The following SYT9 variants were observed in gnomAD, a reference collection of about 807,000 sequenced individuals.
SYT9 encodes synaptotagmin-9.
SYT9 carries 22 observed loss-of-function variants against 48.4 expected under a neutral mutation model. The ratio of observed to expected loss-of-function variants is 0.45; its 90% CI spans 0.32 to 0.65. The LOEUF (loss-of-function observed/expected upper bound fraction) is 0.65. SYT9 is among the 30% of genes least tolerant of loss of function. SYT9 has a pLI of 0.03. For missense variants in SYT9, 577 were observed against 622.0 expected (o/e 0.93, Z 0.77); for synonymous variants, 265 against 245.0 (o/e 1.08, Z -0.76).
intron 3 of SYT9, among the ~76,000 whole-genome samples, chr11:7,342,647 C>T (rs556838211): frequency 6.6e-6 from 1 of 152,188 alleles, no homozygotes; most frequent in Non-Finnish European, 1.5e-5. Context: ...TTTCCAGGTG[C>T]ACAGTGCAAG....
chr11:7,442,088 A>C (rs1847838965), intron 6 of SYT9, among the ~76,000 whole-genome samples: 2 of 152,114 alleles, frequency 1.3e-5, no homozygotes, highest in South Asian at 4.2e-4. Flanking sequence ...TGAATCTCAA[A>C]GCTTGCCAGA....
chr11:7,284,519 C>G (rs1180673536), intron 1 of SYT9, among the ~76,000 whole-genome samples: 1 of 152,000 alleles, frequency 6.6e-6, no homozygotes. Context: ...ATCATGTTCT[C>G]TTAGTATATT....
intron 1 of SYT9, among the ~76,000 whole-genome samples, chr11:7,299,614 A>G (rs1848880854): frequency 6.6e-6 from 1 of 152,240 alleles, no homozygotes; most frequent in South Asian, 2.1e-4. Context: ...CCGCACAACC[A>G]TAATTCAAGG....
intron 3 of SYT9, among the ~76,000 whole-genome samples, chr11:7,375,745 G>A (rs1278401110): frequency 2.0e-5 from 3 of 152,138 alleles, no homozygotes; most frequent in Non-Finnish European, 4.4e-5. Flanking sequence ...GAATGCTTGT[G>A]ATTTTTGCAC....
chr11:7,428,507 G>A (rs1255651996), intron 6 of SYT9, among the ~76,000 whole-genome samples: 5 of 152,180 alleles, frequency 3.3e-5, no homozygotes, highest in Non-Finnish European at 2.9e-5. Flanking sequence ...GTGGTGGGAG[G>A]AAGACTGTTC....
chr11:7,398,159 T>C (rs577449711), intron 3 of SYT9, among the ~76,000 whole-genome samples: 84 of 152,322 alleles, frequency 5.5e-4, no homozygotes, highest in African/African-American at 1.9e-3. Flanking sequence ...TTGCTGGAGC[T>C]TCTATCCTGA....
intron 2 of SYT9, among the ~76,000 whole-genome samples, chr11:7,305,565 T>C (rs1849015695): frequency 1.3e-5 from 2 of 152,220 alleles, no homozygotes; most frequent in Non-Finnish European, 1.5e-5. Context: ...CCTTTATGCC[T>C]CAAAGCATTT....
At chr11:7,323,444 T>G (rs1351561941) in intron 3 of SYT9, among the ~76,000 whole-genome samples, 1 of 152,100 alleles carries the variant, frequency 6.6e-6, no homozygotes, top group Non-Finnish European at 1.5e-5. Context: ...TTATTTTGCT[T>G]GCTCTCCCTA....
exon 1 of SYT9, chr11:7,238,879 G>T (rs1847712105): frequency 2.2e-6 from 1 of 455,960 alleles, no homozygotes; most frequent in African/African-American, 2.0e-5. Flanking sequence ...TGCTGGCGAA[G>T]GTGGTGGAGG....
intron 1 of SYT9, among the ~76,000 whole-genome samples, chr11:7,245,892 C>T (rs745608329): frequency 6.6e-6 from 1 of 152,088 alleles, no homozygotes; most frequent in Non-Finnish European, 1.5e-5. Flanking sequence ...ATGCTCTTTA[C>T]GAAATAATTG....
intron 3 of SYT9, among the ~76,000 whole-genome samples, chr11:7,323,010 A>T (rs1234707564): frequency 6.6e-6 from 1 of 152,156 alleles, no homozygotes; most frequent in Non-Finnish European, 1.5e-5. Flanking sequence ...TCATGTACAT[A>T]ACTAGTTCTT....
intron 3 of SYT9, among the ~76,000 whole-genome samples, chr11:7,319,296 A>G (rs7933472): frequency 0.96 from 144,333 of 150,196 alleles, 69,652 homozygotes; most frequent in Middle Eastern, 1. Flanking sequence ...GAAAGCCACA[A>G]CTCTGGAATA....
chr11:7,267,702 A>G (rs1487869), intron 1 of SYT9, among the ~76,000 whole-genome samples: 148,762 of 151,678 alleles, frequency 0.98, 73,011 homozygotes, highest in Middle Eastern at 1. Context: ...ATCAAAAGAG[A>G]AAAAAAAATA....
At chr11:7,407,920 G>T (rs1239993757) in intron 3 of SYT9, among the ~76,000 whole-genome samples, 1 of 152,054 alleles carries the variant, frequency 6.6e-6, no homozygotes. Context: ...TGTTGTTTTG[G>T]TTACTGTAGC....
At chr11:7,330,661 A>T (rs117934635) in intron 3 of SYT9, among the ~76,000 whole-genome samples, 23 of 152,294 alleles carry the variant, frequency 1.5e-4, no homozygotes, top group Non-Finnish European at 2.8e-4. Flanking sequence ...CAGGATCTAA[A>T]CTATAGGTGT....
At chr11:7,266,341 C>G (rs1403625442) in intron 1 of SYT9, among the ~76,000 whole-genome samples, 1 of 152,078 alleles carries the variant, frequency 6.6e-6, no homozygotes, top group Admixed American at 6.6e-5. Flanking sequence ...GATTCATCAT[C>G]TTATGGAATC....
At chr11:7,261,451 T>C (rs139232756) in intron 1 of SYT9, among the ~76,000 whole-genome samples, 1 of 152,122 alleles carries the variant, frequency 6.6e-6, no homozygotes. Context: ...CAAATGTAGA[T>C]ACCTAGACAC....
Position 7,370,698 on chromosome 11 carries a change from A to G in SYT9, c.1045-45344A>G, listed in dbSNP as rs115877537. 3.0e-3 allele frequency among the ~76,000 whole-genome samples: 458 copies of G among 152,288 alleles called. 6 individuals carry two copies. Among genetic ancestry groups the G allele is most frequent in the African/African-American group, 0.011 (441 of 41,570 alleles). On this transcript the variant is annotated intron_variant, in intron 3 of 6. Transcript: ENST00000318881. ...ATATTGAAAAGTGCTGATATTAACCATGAAGAATAAGCCTCAAAAATGTTG... is the reference window on the plus strand; with the variant it reads ...ATATTGAAAAGTGCTGATATTAACCGTGAAGAATAAGCCTCAAAAATGTTG...
chr11:7,401,013 TTTACTA>T (rs1846879311), intron 3 of SYT9, among the ~76,000 whole-genome samples: 1 of 152,078 alleles, frequency 6.6e-6, no homozygotes, highest in Admixed American at 6.5e-5. Flanking sequence ...ATGTCATTAT[TTTACTA>T]TTATTTATTT....
Sources: gnomAD v4.1 joint callset for allele counts (sites outside exome capture counted in the v4.1 genomes callset) on GRCh38, gnomAD v4.1.1 for gene constraint, MANE v1.5 for transcripts, NCBI Gene and HGNC (gene_info 2026-07-23, HGNC 2026-07-21) for gene names.